The following DOK4 variants were observed in gnomAD, a reference collection of about 807,000 sequenced individuals.
The protein encoded by DOK4 is docking protein 4, also known as downstream of tyrosine kinase 4.
Under a neutral mutation model 40.1 loss-of-function variants are expected in DOK4, and 26 were observed. That is an observed-to-expected ratio of 0.65 (90% CI 0.48 to 0.90). DOK4 has a LOEUF of 0.90. Ranked by LOEUF, DOK4 falls within the 40% of genes least tolerant of loss-of-function variation. DOK4 has a pLI of 0.00. For synonymous variants in DOK4, 179 were observed against 177.0 expected (o/e 1.01, Z -0.09); for missense variants, 392 against 437.2 (o/e 0.90, Z 0.92).
exon 8 of DOK4, chr16:57,473,732 A>G (rs2030996338): frequency 1.9e-6 from 3 of 1,609,486 alleles, no homozygotes; most frequent in African/African-American, 1.3e-5. Flanking sequence ...GCCCTTGTTC[A>G]GCAGCTGTGG....
chr16:57,479,541 C>T lies in DOK4; in HGVS notation c.-34G>A. On this transcript the variant is annotated 5_prime_UTR_variant, in exon 2 of 9. Transcript: ENST00000340099. The surrounding 1 kb of genome is among the most constrained non-coding windows in gnomAD (Gnocchi z 5.8). ...CACCTTTTAGGGGCGCGGGGCCTGG[C>T]AGAGGCGAGGGGAAGGATGCCCAGG... 1.9e-6 allele frequency: 3 copies of T among 1,611,122 alleles called. No individual in the cohort carries two copies. Among genetic ancestry groups the T allele is most frequent in the Non-Finnish European group, 2.5e-6 (3 of 1,179,072 alleles).
downstream of DOK4, chr16:57,471,941 T>G (rs546697777): frequency 1.3e-5 from 2 of 152,760 alleles, no homozygotes; most frequent in South Asian, 4.1e-4. Flanking sequence ...GAAAGGATAT[T>G]TATTGATTAA....
chr16:57,472,997 G>A (rs1239726230), exon 9 of DOK4: 1 of 185,742 alleles, frequency 5.4e-6, no homozygotes, highest in Non-Finnish European at 1.1e-5. Flanking sequence ...TGCCATGGAG[G>A]ATGGACACGA....
At chr16:57,486,225 T>C (rs2031535309) in intron 1 of DOK4, 80 bp downstream of exon 1, 1 of 152,042 alleles carries the variant, frequency 6.6e-6, no homozygotes, top group Admixed American at 6.5e-5. Flanking sequence ...CTGAGGGTCC[T>C]CAGGGGTGGG....
chr16:57,472,616 G>C (rs1441601677), exon 9 of DOK4: 1 of 152,586 alleles, frequency 6.6e-6, no homozygotes, highest in Admixed American at 6.5e-5. Flanking sequence ...TATTCCTGGG[G>C]CAGGAACAAG....
At chr16:57,473,917 A>G (rs1598048752) in exon 7 of DOK4, 1 of 1,523,778 alleles carries the variant, frequency 6.6e-7, no homozygotes, top group African/African-American at 1.5e-5. Flanking sequence ...GTTCTTCTCC[A>G]TTTCCAGCAG....
intron 2 of DOK4, among the ~76,000 whole-genome samples, chr16:57,477,797 G>A (rs1342799544): frequency 7.2e-5 from 11 of 152,206 alleles, no homozygotes; most frequent in African/African-American, 2.4e-4. Context: ...GCTGAGATGA[G>A]AATGGCTGCT....
At chr16:57,484,158 GAACA>G (rs1206804941) in intron 1 of DOK4, 7 of 152,468 alleles carry the variant, frequency 4.6e-5, no homozygotes, top group African/African-American at 1.7e-4. Context: ...TTTGGCTCCA[GAACA>G]AACGCGCTGA....
intron 3 of DOK4, 40 bp from the exon 4 acceptor site, chr16:57,475,660 A>ATCTCTCTCTCTCTCTCTCTC (rs745508207): frequency 6.1e-5 from 29 of 477,026 alleles, no homozygotes; most frequent in Middle Eastern, 1.2e-3. Context: ...AGGCCAGTGC[A>ATCTCTCTCTCTCTCTCTCTC]TCTCTCTCTC....
At chr16:57,475,411 C>T in intron 4 of DOK4, 95 bp downstream of exon 4, 2 of 1,389,872 alleles carry the variant, frequency 1.4e-6, no homozygotes, top group Non-Finnish European at 2.0e-6. Flanking sequence ...CCACCATCTC[C>T]ACCCAGGGTT....
intron 1 of DOK4, among the ~76,000 whole-genome samples, chr16:57,483,144 G>GT (rs371998299): frequency 0.75 from 113,932 of 151,996 alleles, 43,657 homozygotes; most frequent in African/African-American, 0.91. Context: ...CCAAAATGGT[G>GT]GGCAAAGAGG....
Position 57,479,789 on chromosome 16 carries a change from T to C in DOK4, c.-181-101A>G, listed in dbSNP as rs1432421333. 3.0e-6 allele frequency: 1 copy of C among 336,950 alleles called. No homozygotes were observed. Among genetic ancestry groups the C allele is most frequent in the African/African-American group, 2.1e-5 (1 of 46,644 alleles). 20.9% of individuals were successfully genotyped at this position (336,950 alleles called of 1,614,324 possible). On this transcript the variant is annotated intron_variant, in intron 1 of 8. Transcript: ENST00000340099. This position sits in a 1 kb window ranked among gnomAD's most constrained non-coding sequence, Gnocchi z 5.8. ...CCTTCCTCTTCCCACACTCCTCCTCTCTCCCTCTTCCCTCCCTCCTTCCTC... is the reference window on the plus strand; with the variant it reads ...CCTTCCTCTTCCCACACTCCTCCTCCCTCCCTCTTCCCTCCCTCCTTCCTC...
At position 57,479,691 on chromosome 16, in the gene DOK4, G is replaced by A. The variant is rs1049810423; in HGVS notation, c.-181-3C>T. The A allele has an allele frequency of 2.0e-5, 11 of 547,430 alleles. No individual in the cohort carries two copies. Among genetic ancestry groups the A allele is most frequent in the Middle Eastern group, 3.9e-4 (1 of 2,572 alleles). The allele number at this position is 547,430 out of a possible 1,614,324, so 33.9% of individuals were successfully genotyped here. ...GCAGCTCCTTCGCCCCGCGCCTGCT[G>A]GAAATAAAAATGACAGGGAGATTAG... On this transcript the variant is annotated splice_polypyrimidine_tract_variant and splice_region_variant and intron_variant, in intron 1 of 8. Transcript: ENST00000340099. The surrounding 1 kb of genome is among the most constrained non-coding windows in gnomAD (Gnocchi z 5.8).
chr16:57,473,271 T>C, exon 9 of DOK4: 1 of 1,459,890 alleles, frequency 6.8e-7, no homozygotes, highest in Non-Finnish European at 9.0e-7. Flanking sequence ...TTGCTCCCTT[T>C]CTCCAGGCTC....
At chr16:57,477,058 G>A (rs1307588568) in intron 2 of DOK4, among the ~76,000 whole-genome samples, 1 of 152,230 alleles carries the variant, frequency 6.6e-6, no homozygotes, top group African/African-American at 2.4e-5. Context: ...AGGCATCTCT[G>A]GTGTTCCTCT....
chr16:57,472,345 T>C (rs1416619964), exon 9 of DOK4: 2 of 152,652 alleles, frequency 1.3e-5, no homozygotes, highest in Non-Finnish European at 2.9e-5. Flanking sequence ...AATAGAAAGA[T>C]AGCCCTTCTG....
At chr16:57,474,493 G>A (rs561125142) in intron 6 of DOK4, among the ~76,000 whole-genome samples, 2 of 152,204 alleles carry the variant, frequency 1.3e-5, no homozygotes, top group East Asian at 1.9e-4. Context: ...TATTATCCCC[G>A]AAACCCAGAC....
exon 4 of DOK4, chr16:57,475,514 C>A (rs2031109111): frequency 6.2e-7 from 1 of 1,606,026 alleles, no homozygotes; most frequent in African/African-American, 1.3e-5. Flanking sequence ...ACCTGAGTCG[C>A]AGGTGAAGGT....
chr16:57,483,707 G>A lies in DOK4; in HGVS notation c.-182+2598C>T, dbSNP rs547156763. Reference sequence around the variant, plus strand: ...GGCTAGGCAGGCCAGGAATTGGGTTGAAGTAGCCCCTGCCCTGTTTGTCCC... The same window carrying A: ...GGCTAGGCAGGCCAGGAATTGGGTTAAAGTAGCCCCTGCCCTGTTTGTCCC... On this transcript the variant is annotated intron_variant, in intron 1 of 8. Coordinates refer to ENST00000340099, the Ensembl canonical transcript of DOK4. 2.6e-5 allele frequency among the ~76,000 whole-genome samples: 4 copies of A among 152,294 alleles called. No homozygotes were observed. The East Asian group carries it at 7.7e-4, about 29-fold the overall frequency.
Sources: allele counts gnomAD v4.1 joint callset (sites outside exome capture counted in the v4.1 genomes callset), GRCh38; gene constraint gnomAD v4.1.1; non-coding constraint Gnocchi (gnomAD v3.1); transcripts MANE v1.5; gene names NCBI Gene and HGNC (gene_info 2026-07-23, HGNC 2026-07-21).